The following EPS15 variants were observed in gnomAD, a reference collection of about 807,000 sequenced individuals.
EPS15 encodes epidermal growth factor receptor pathway substrate 15, also known as epidermal growth factor receptor substrate 15.
In EPS15, 72 loss-of-function variants were observed where a neutral mutation model predicts 113.8. The ratio of observed to expected loss-of-function variants is 0.63; its 90% CI spans 0.52 to 0.77. The LOEUF (loss-of-function observed/expected upper bound fraction) is 0.77, where lower values mean the gene tolerates loss of function less well. Among genes scored for constraint, EPS15 ranks in the 30% least tolerant of loss-of-function variants. The probability of loss-of-function intolerance (pLI) is 0.00; values close to 1 mark genes in which losing one functional copy is unlikely to be tolerated. For synonymous variants in EPS15, 344 were observed against 363.4 expected, an observed-to-expected ratio of 0.95 and a Z score of 0.61; for missense variants, 1,048 against 1,045.8, an observed-to-expected ratio of 1.00 and a Z score of -0.03.
At chr1:51,423,120 T>C (rs1403593118) in intron 12 of EPS15, 1 of 1,020,416 alleles carries the variant, frequency 9.8e-7, no homozygotes, top group Non-Finnish European at 1.3e-6. Flanking sequence ...ACAATGTTCT[T>C]AAGATGTCTA....
intron 1 of EPS15, among the ~76,000 whole-genome samples, chr1:51,486,813 C>G (rs758110714): frequency 6.6e-6 from 1 of 151,796 alleles, no homozygotes; most frequent in Non-Finnish European, 1.5e-5. Flanking sequence ...CGCCACCACA[C>G]CTGGCTAATT....
At chr1:51,506,076 G>C (rs1046621991) in intron 1 of EPS15, among the ~76,000 whole-genome samples, 1 of 152,046 alleles carries the variant, frequency 6.6e-6, no homozygotes, top group Non-Finnish European at 1.5e-5. Flanking sequence ...TAGCAGAGGC[G>C]GAGTTTCACC....
intron 1 of EPS15, among the ~76,000 whole-genome samples, chr1:51,500,394 G>A (rs1350295174): frequency 2.0e-5 from 3 of 152,144 alleles, no homozygotes; most frequent in Non-Finnish European, 2.9e-5. Context: ...TTTCCACAGT[G>A]GCTGCACAAT....
chr1:51,398,261 G>T (rs1648164160), intron 20 of EPS15, among the ~76,000 whole-genome samples: 1 of 152,016 alleles, frequency 6.6e-6, no homozygotes, highest in South Asian at 2.1e-4. Flanking sequence ...CACCGTGTTA[G>T]CCAGGATGGT....
intron 1 of EPS15, among the ~76,000 whole-genome samples, chr1:51,487,637 G>T (rs753154509): frequency 1.3e-5 from 2 of 151,914 alleles, no homozygotes; most frequent in Non-Finnish European, 2.9e-5. Context: ...TTTGAATACA[G>T]GGAAAAAAAA....
chr1:51,387,118 C>T (rs1489626215), intron 21 of EPS15, among the ~76,000 whole-genome samples: 1 of 152,198 alleles, frequency 6.6e-6, no homozygotes, highest in African/African-American at 2.4e-5. Flanking sequence ...AACAGCGGAT[C>T]TCTTGGCAGA....
intron 1 of EPS15, among the ~76,000 whole-genome samples, chr1:51,508,298 GAGAGAA>G (rs1367342732): frequency 2.5e-4 from 30 of 122,300 alleles, no homozygotes; most frequent in African/African-American, 9.0e-4. Context: ...GAAAGAGAGA[GAGAGAA>G]AGAGAGAAAG....
chr1:51,410,441 T>C (rs1284629309), intron 13 of EPS15, among the ~76,000 whole-genome samples: 1 of 150,800 alleles, frequency 6.6e-6, no homozygotes, highest in African/African-American at 2.4e-5. Flanking sequence ...TGGACCTGAA[T>C]GTAAAAGTCT....
chr1:51,399,511 A>G (rs1163061192), intron 19 of EPS15, among the ~76,000 whole-genome samples: 1 of 151,660 alleles, frequency 6.6e-6, no homozygotes, highest in African/African-American at 2.4e-5. Flanking sequence ...AAGATCTGCC[A>G]CTGCACTCCA....
intron 1 of EPS15, among the ~76,000 whole-genome samples, chr1:51,486,939 G>C (rs1177431536): frequency 6.6e-6 from 1 of 151,776 alleles, no homozygotes; most frequent in Non-Finnish European, 1.5e-5. Context: ...GAAAATGCTG[G>C]GATTACAGGC....
chr1:51,455,531 G>A (rs111625476), intron 8 of EPS15, among the ~76,000 whole-genome samples: 4,566 of 151,888 alleles, frequency 0.03, 77 homozygotes, highest in African/African-American at 0.05. Flanking sequence ...TGGAGGTTGC[G>A]GTGAGCCGAA....
intron 1 of EPS15, among the ~76,000 whole-genome samples, chr1:51,508,304 A>AAGAAAGAGAGAAAGAGAGAAAGAGAG (rs1644547586): frequency 8.2e-6 from 1 of 122,592 alleles, no homozygotes; most frequent in African/African-American, 3.6e-5. Context: ...GAGAGAGAGA[A>AAGAAAGAGAGAAAGAGAGAAAGAGAG]AGAGAGAAAG....
rs1042844929 is a variant in EPS15 at position 51,509,787 on chromosome 1, T to C, written c.33+9412A>G. Among the ~76,000 whole-genome samples the C allele has an allele frequency of 5.3e-5, 8 of 152,244 alleles. No homozygotes were observed. In the East Asian group the frequency reaches 1.5e-3, roughly 29 times the overall value. Reference sequence around the variant, plus strand: ...GTGCAACAATCACTTTCTAGAGATGTGGTGTATGCAATGATAAGTTGATTT... The same window carrying C: ...GTGCAACAATCACTTTCTAGAGATGCGGTGTATGCAATGATAAGTTGATTT... On this transcript the variant is annotated intron_variant, in intron 1 of 24. Transcript: ENST00000371733.
chr1:51,405,075 C>T (rs979997795), intron 16 of EPS15, among the ~76,000 whole-genome samples: 1 of 152,218 alleles, frequency 6.6e-6, no homozygotes, highest in Non-Finnish European at 1.5e-5. Context: ...CTTGTCTAAA[C>T]TCGCAAAGCT....
chr1:51,477,455 C>T (rs1643930619), intron 2 of EPS15, among the ~76,000 whole-genome samples: 1 of 152,150 alleles, frequency 6.6e-6, no homozygotes. Flanking sequence ...CTATTTCCTT[C>T]AGTTCTGCTC....
chr1:51,507,012 C>T (rs17106627), intron 1 of EPS15, among the ~76,000 whole-genome samples: 9,567 of 152,168 alleles, frequency 0.063, 955 homozygotes, highest in African/African-American at 0.21. Flanking sequence ...TAAATATGCT[C>T]GGTTTAATCC....
intron 5 of EPS15, 101 bp downstream of exon 5, chr1:51,468,372 C>T: frequency 1.1e-6 from 1 of 881,632 alleles, no homozygotes; most frequent in Non-Finnish European, 1.9e-6. Flanking sequence ...GTGAAAGGGC[C>T]AAAGGGAGAA....
chr1:51,394,703 TA>T (rs1483295226), intron 20 of EPS15, among the ~76,000 whole-genome samples: 1 of 152,190 alleles, frequency 6.6e-6, no homozygotes, highest in Non-Finnish European at 1.5e-5. Flanking sequence ...AACAAGTAAG[TA>T]TCAAGTGAAC....
intron 12 of EPS15, among the ~76,000 whole-genome samples, chr1:51,428,602 G>A (rs1651424044): frequency 6.6e-6 from 1 of 151,982 alleles, no homozygotes; most frequent in Admixed American, 6.6e-5. Flanking sequence ...TGAGGCGGAT[G>A]GATCACCTGA....
Sources: allele counts gnomAD v4.1 joint callset (sites outside exome capture counted in the v4.1 genomes callset), GRCh38; gene constraint gnomAD v4.1.1; transcripts MANE v1.5; gene names NCBI Gene and HGNC (gene_info 2026-07-23, HGNC 2026-07-21).